AREG: variants seen among roughly 807,000 people sequenced by gnomAD.
AREG encodes the protein amphiregulin B.
Under a neutral mutation model 28.0 loss-of-function variants are expected in AREG, and 16 were observed. That is an observed-to-expected ratio of 0.57 (90% CI 0.39 to 0.87). AREG has a LOEUF of 0.87. Among genes scored for constraint, AREG ranks in the 40% least tolerant of loss-of-function variants. The pLI, the probability that AREG is intolerant of heterozygous loss-of-function variation, is 0.00. For synonymous variants in AREG, 113 were observed against 113.5 expected (o/e 1.00, Z 0.02); for missense variants, 287 against 309.1 (o/e 0.93, Z 0.53).
At chr4:74,452,939 C>T (rs1221342365) in intron 5 of AREG, among the ~76,000 whole-genome samples, 2 of 151,910 alleles carry the variant, frequency 1.3e-5, no homozygotes, top group African/African-American at 4.8e-5. Flanking sequence ...AACCAGAATA[C>T]TAGGGATGTA....
rs1364322075 is a variant in AREG, at chr4:74,446,520, T to A, written c.62-14T>A. ...TTTACCTTTTCTTTTCTTCCTTTAT[T>A]CCCTCCCCTGCAGGCCATTATGCTG... is the stretch of plus-strand genomic sequence containing the variant. On this transcript the variant is annotated splice_polypyrimidine_tract_variant and intron_variant, in intron 1 of 5. Coordinates refer to ENST00000395748, the MANE Select transcript of AREG (RefSeq NM_001657.4). 4.3e-6 allele frequency: 7 copies of A among 1,613,932 alleles called. No individual in the cohort carries two copies. The East Asian group carries it at 1.3e-4, about 31-fold the overall frequency.
intron 3 of AREG, among the ~76,000 whole-genome samples, chr4:74,449,710 G>A (rs1247027773): frequency 2.0e-5 from 3 of 152,046 alleles, no homozygotes; most frequent in African/African-American, 7.2e-5. Context: ...AGCCGTGATC[G>A]CACCACTACA....
intron 2 of AREG, among the ~76,000 whole-genome samples, chr4:74,447,527 C>A (rs1284898238): frequency 6.6e-6 from 1 of 152,026 alleles, no homozygotes; most frequent in African/African-American, 2.4e-5. Flanking sequence ...TTAAAAAGGC[C>A]CTTTGCTTGG....
At position 74,446,605 on chromosome 4, in the gene AREG, A is replaced by G; in HGVS notation, c.133A>G (p.Ser45Gly). ...GKREPFSGDH[S>G]ADGFEVTSRS... ...GCGTGAACCATTTTCTGGGGACCAC[A>G]GTGCTGATGGATTTGAGGTTACCTC... The change falls in exon 2 of 6, where the codon AGT (serine) becomes GGT (glycine). Residue 45 changes from serine to glycine, a missense_variant. Physicochemically the swap from Ser to Gly is moderately conservative, Grantham distance 56. Coordinates refer to ENST00000395748, the MANE Select transcript of AREG (RefSeq NM_001657.4). The G allele has an allele frequency of 6.2e-7, 1 of 1,613,980 alleles. No individual in the cohort carries two copies. The highest frequency in any genetic ancestry group is 8.5e-7 in the Non-Finnish European group (1 of 1,179,870).
chr4:74,447,486 G>A (rs1318254989), intron 2 of AREG, among the ~76,000 whole-genome samples: 1 of 152,062 alleles, frequency 6.6e-6, no homozygotes, highest in African/African-American at 2.4e-5. Flanking sequence ...TATAACCCAT[G>A]GTTTCTTTCA....
At chr4:74,449,867 CT>C (rs1719352681) in intron 3 of AREG, among the ~76,000 whole-genome samples, 1 of 151,858 alleles carries the variant, frequency 6.6e-6, no homozygotes, top group African/African-American at 2.4e-5. Flanking sequence ...TTCCTGACCC[CT>C]GGTATAAACC....
In AREG at chr4:74,445,196, G is replaced by GCCCGCCGCC; in HGVS notation, c.-147_-139dup. 5 of 1,480,214 alleles carry GCCCGCCGCC rather than the reference G, an allele frequency of 3.4e-6. No individual in the cohort carries two copies. Among genetic ancestry groups the GCCCGCCGCC allele is most frequent in the Non-Finnish European group, 4.5e-6 (5 of 1,108,830 alleles). 91.7% of individuals were successfully genotyped at this position (1,480,214 alleles called of 1,614,324 possible). A position where few individuals can be genotyped will look rare whatever the true frequency, so the allele number is the denominator to read the frequency against. On this transcript the variant is annotated 5_prime_UTR_variant, in exon 1 of 6. Coordinates refer to ENST00000395748, the MANE Select transcript of AREG (RefSeq NM_001657.4). ...GTCCCGGGACAGCCCGAGGCGCCGC[G>GCCCGCCGCC]CCCGCCGCCCCGAGCTCCCCAAGCC...
chr4:74,452,872 A>G (rs1308202359), intron 5 of AREG, among the ~76,000 whole-genome samples: 3 of 151,624 alleles, frequency 2.0e-5, no homozygotes, highest in Non-Finnish European at 4.4e-5. Flanking sequence ...AATATAAGAG[A>G]CACTGGTCCA....
At chr4:74,450,188 C>G (rs1194369828) in intron 3 of AREG, among the ~76,000 whole-genome samples, 192 bp from the exon 4 acceptor site, 1 of 152,132 alleles carries the variant, frequency 6.6e-6, no homozygotes, top group African/African-American at 2.4e-5. Context: ...CACACCCAAA[C>G]TAATCTCAAC....
chr4:74,450,275 C>G, intron 3 of AREG, 105 bp from the exon 4 acceptor site: 1 of 1,582,026 alleles, frequency 6.3e-7, no homozygotes. Flanking sequence ...TATGGCATAA[C>G]TTTTTTAATG....
rs1719251201 is a variant in AREG, at chr4:74,445,314, A to G, written c.-32A>G. ...CGTGTCCCAGAGACCGAGTTGCCCC[A>G]GAGACCGAGACGCCGCCGCTGCGAA... On this transcript the variant is annotated 5_prime_UTR_variant, in exon 1 of 6. Transcript: ENST00000395748. 1 of 1,604,282 alleles carries G rather than the reference A, an allele frequency of 6.2e-7. No homozygotes were observed. The highest frequency in any genetic ancestry group is 8.5e-7 in the Non-Finnish European group (1 of 1,177,184).
chr4:74,453,361 G>T (rs1218276491), intron 5 of AREG, among the ~76,000 whole-genome samples: 3 of 152,094 alleles, frequency 2.0e-5, no homozygotes, highest in Non-Finnish European at 4.4e-5. Flanking sequence ...AAATAGGTTG[G>T]TGAAAACTTA....
chr4:74,453,686 C>T (rs908961535), intron 5 of AREG, among the ~76,000 whole-genome samples: 12 of 152,260 alleles, frequency 7.9e-5, no homozygotes, highest in African/African-American at 2.9e-4. Context: ...GTGGGCGGAT[C>T]ACCTGAGGTC....
At chr4:74,447,294 A>G (rs1439641734) in intron 2 of AREG, among the ~76,000 whole-genome samples, 2 of 152,292 alleles carry the variant, frequency 1.3e-5, no homozygotes, top group African/African-American at 4.8e-5. Context: ...TTTTAACACA[A>G]ATAAGGGGAC....
chr4:74,445,962 T>C (rs1013934595), intron 1 of AREG, among the ~76,000 whole-genome samples: 5 of 152,320 alleles, frequency 3.3e-5, no homozygotes, highest in Admixed American at 3.3e-4. Context: ...ATAATAATAA[T>C]GATAATGAAA....
rs1719440112 is a variant in AREG at position 74,454,905 on chromosome 4, G to A, written c.*165G>A. ...TTTTATGCTATTTCTGTATATAAAG[G>A]TGCACGAAGGTAAAAAGTATTTTTT... is the stretch of plus-strand genomic sequence containing the variant. On this transcript the variant is annotated 3_prime_UTR_variant, in exon 6 of 6. Coordinates refer to ENST00000395748, the MANE Select transcript of AREG (RefSeq NM_001657.4). 1.5e-6 allele frequency: 1 copy of A among 673,422 alleles called. No homozygotes were observed. Among genetic ancestry groups the A allele is most frequent in the South Asian group, 1.7e-5 (1 of 60,116 alleles). The allele number at this position is 673,422 out of a possible 1,614,324, so 41.7% of individuals were successfully genotyped here.
chr4:74,446,699 C>T lies in AREG; in HGVS notation c.227C>T (p.Ser76Phe), dbSNP rs1183567604. 1 of 1,613,818 alleles carries T rather than the reference C, an allele frequency of 6.2e-7. No individual in the cohort carries two copies. Among genetic ancestry groups the T allele is most frequent in the Non-Finnish European group, 8.5e-7 (1 of 1,179,870 alleles). The change falls in exon 2 of 6, where the codon TCC becomes TTC. Residue 76 changes from serine to phenylalanine, a missense_variant. Coordinates refer to ENST00000395748, the MANE Select transcript of AREG (RefSeq NM_001657.4). ...VSEMPSSSEP[S>F]SGADYDYSEE... is the part of the protein sequence containing the mutation. ...GAAATGCCTTCTAGTAGTGAACCGTCCTCGGGAGCCGACTATGACTACTCA... is the reference window on the plus strand; with the variant it reads ...GAAATGCCTTCTAGTAGTGAACCGTTCTCGGGAGCCGACTATGACTACTCA...
At chr4:74,450,781 A>T (rs1236623194) in intron 4 of AREG, among the ~76,000 whole-genome samples, 1 of 152,186 alleles carries the variant, frequency 6.6e-6, no homozygotes, top group African/African-American at 2.4e-5. Context: ...GAACTTAAGT[A>T]ATTGAAGGTT....
Position 74,445,311 on chromosome 4 carries a change from C to T in AREG, c.-35C>T, listed in dbSNP as rs1263666926. On this transcript the variant is annotated 5_prime_UTR_variant, in exon 1 of 6. Transcript: ENST00000395748. Reference sequence around the variant, plus strand: ...GCTCGTGTCCCAGAGACCGAGTTGCCCCAGAGACCGAGACGCCGCCGCTGC... The same window carrying T: ...GCTCGTGTCCCAGAGACCGAGTTGCTCCAGAGACCGAGACGCCGCCGCTGC... 1.8e-5 allele frequency: 29 copies of T among 1,602,838 alleles called. No individual in the cohort carries two copies. The highest frequency in any genetic ancestry group is 2.5e-5 in the Non-Finnish European group (29 of 1,176,578).
Sources: gnomAD v4.1 joint callset for allele counts (sites outside exome capture counted in the v4.1 genomes callset) on GRCh38, gnomAD v4.1.1 for gene constraint, MANE v1.5 for transcripts, NCBI Gene and HGNC (gene_info 2026-07-23, HGNC 2026-07-21) for gene names.